SHISA9: variants seen among roughly 807,000 people sequenced by gnomAD.
The protein encoded by SHISA9 is protein shisa-9.
A neutral mutation model predicts 38.0 loss-of-function variants in SHISA9; 13 were observed. The observed-to-expected ratio is 0.34, with a 90% confidence interval of 0.22 to 0.54. The LOEUF (loss-of-function observed/expected upper bound fraction) is 0.54. Ranked by LOEUF, SHISA9 falls within the 20% of genes least tolerant of loss-of-function variation. SHISA9 has a pLI of 0.91. For synonymous variants in SHISA9, 275 were observed against 242.0 expected (o/e 1.14, Z -1.27); for missense variants, 538 against 575.8 (o/e 0.93, Z 0.67).
intron 2 of SHISA9, among the ~76,000 whole-genome samples, chr16:12,926,164 A>G (rs1286540496): frequency 6.6e-6 from 1 of 152,184 alleles, no homozygotes; most frequent in Non-Finnish European, 1.5e-5. Flanking sequence ...AGTAATTCAA[A>G]CCACAGACAT....
intron 2 of SHISA9, among the ~76,000 whole-genome samples, chr16:13,087,783 T>G (rs2073729884): frequency 1.3e-5 from 2 of 152,246 alleles, no homozygotes; most frequent in African/African-American, 4.8e-5. Context: ...GGTTGCCTGT[T>G]CACTCTGATG....
chr16:13,310,088 A>G, the SHISA9 span, among the ~76,000 whole-genome samples: 1 of 152,092 alleles, frequency 6.6e-6, no homozygotes, highest in African/African-American at 2.4e-5. Context: ...GGGTTTCACC[A>G]TGTTGGCCAG....
the SHISA9 span, among the ~76,000 whole-genome samples, chr16:13,364,403 A>G: frequency 1.3e-5 from 2 of 152,238 alleles, no homozygotes; most frequent in Non-Finnish European, 2.9e-5. Context: ...AGAACAAGCA[A>G]CAAGAGATAT....
intron 2 of SHISA9, among the ~76,000 whole-genome samples, chr16:13,044,405 C>T (rs142258742): frequency 4.6e-5 from 7 of 152,276 alleles, no homozygotes; most frequent in East Asian, 3.9e-4. Context: ...TTCTGAACCT[C>T]GGTTTCTCAT....
chr16:13,304,383 C>A, the SHISA9 span, among the ~76,000 whole-genome samples: 1 of 152,218 alleles, frequency 6.6e-6, no homozygotes, highest in Non-Finnish European at 1.5e-5. Flanking sequence ...CCTCAGCCTC[C>A]CAAGTATCTG....
At chr16:13,075,106 A>G (rs1392218329) in intron 2 of SHISA9, among the ~76,000 whole-genome samples, 1 of 152,196 alleles carries the variant, frequency 6.6e-6, no homozygotes, top group African/African-American at 2.4e-5. Context: ...AGCACACTGT[A>G]TAAAGTATTG....
chr16:13,344,365 A>G, the SHISA9 span, among the ~76,000 whole-genome samples: 1 of 152,158 alleles, frequency 6.6e-6, no homozygotes, highest in Non-Finnish European at 1.5e-5. Flanking sequence ...GGGGGTGGAA[A>G]TTACTACATA....
chr16:12,969,452 T>C (rs546400487), intron 2 of SHISA9, among the ~76,000 whole-genome samples: 2 of 151,876 alleles, frequency 1.3e-5, no homozygotes, highest in African/African-American at 2.4e-5. Context: ...TCTGTAAGTG[T>C]TGTTCTCCAG....
At chr16:13,290,257 G>A in the SHISA9 span, among the ~76,000 whole-genome samples, 1 of 152,082 alleles carries the variant, frequency 6.6e-6, no homozygotes, top group African/African-American at 2.4e-5. Context: ...ATTTATGGAA[G>A]ATAGCCAAAA....
chr16:12,937,261 T>C (rs556564671), intron 2 of SHISA9, among the ~76,000 whole-genome samples: 86 of 152,282 alleles, frequency 5.6e-4, no homozygotes, highest in Non-Finnish European at 1.1e-3. Flanking sequence ...TTTGAATAGG[T>C]CAATATGTAC....
Position 13,238,378 on chromosome 16 carries a change from G to A in SHISA9, c.*2969G>A, listed in dbSNP as rs1350580642. The A allele has an allele frequency of 2.0e-5, 3 of 152,238 alleles. No homozygotes were observed. The highest frequency in any genetic ancestry group is 2.9e-5 in the Non-Finnish European group (2 of 68,054). 9.4% of individuals were successfully genotyped at this position (152,238 alleles called of 1,614,324 possible). ...CAGAAAACCCTGGGTTGACTTATCT[G>A]TGAGGCTCTTTCCAGCTCAAAGTTT... On this transcript the variant is annotated 3_prime_UTR_variant, in exon 5 of 5. Transcript: ENST00000558583.
chr16:13,019,763 C>T (rs1388904965), intron 2 of SHISA9, among the ~76,000 whole-genome samples: 1 of 138,674 alleles, frequency 7.2e-6, no homozygotes, highest in South Asian at 2.4e-4. Flanking sequence ...TCTTTTCTTT[C>T]TTTTCTTTCT....
the SHISA9 span, among the ~76,000 whole-genome samples, chr16:13,536,969 T>G: frequency 6.6e-6 from 1 of 152,186 alleles, no homozygotes; most frequent in African/African-American, 2.4e-5. Flanking sequence ...ACTTTCAGCA[T>G]CAAGGATCTT....
chr16:13,317,998 G>GTTTTT, the SHISA9 span, among the ~76,000 whole-genome samples: 2 of 146,646 alleles, frequency 1.4e-5, no homozygotes, highest in Non-Finnish European at 1.5e-5. Flanking sequence ...CAAATGCCTT[G>GTTTTT]TTTTTTTTTT....
At chr16:13,076,280 C>T (rs1384450372) in intron 2 of SHISA9, among the ~76,000 whole-genome samples, 2 of 152,208 alleles carry the variant, frequency 1.3e-5, no homozygotes, top group South Asian at 2.1e-4. Context: ...ATCTGCCCAA[C>T]TCAGCCTCCC....
chr16:13,362,788 T>A, the SHISA9 span, among the ~76,000 whole-genome samples: 1 of 152,200 alleles, frequency 6.6e-6, no homozygotes, highest in Non-Finnish European at 1.5e-5. Context: ...CAAAGTCCCG[T>A]TCTTTTCATC....
intron 2 of SHISA9, among the ~76,000 whole-genome samples, chr16:13,174,683 T>C (rs1431921037): frequency 6.6e-6 from 1 of 152,010 alleles, no homozygotes; most frequent in Admixed American, 6.6e-5. Context: ...TCCTCTCACA[T>C]GGGGTGAGGT....
chr16:13,365,891 T>C, the SHISA9 span, among the ~76,000 whole-genome samples: 1 of 152,156 alleles, frequency 6.6e-6, no homozygotes, highest in Non-Finnish European at 1.5e-5. Context: ...GGATGACCTA[T>C]GGATTTGAAC....
chr16:13,491,707 C>T, the SHISA9 span, among the ~76,000 whole-genome samples: 1 of 150,758 alleles, frequency 6.6e-6, no homozygotes, highest in African/African-American at 2.4e-5. Flanking sequence ...CCAGGCTGGT[C>T]TCAAACTCCT....
Sources: allele counts gnomAD v4.1 joint callset (sites outside exome capture counted in the v4.1 genomes callset), GRCh38; gene constraint gnomAD v4.1.1; transcripts MANE v1.5; gene names NCBI Gene and HGNC (gene_info 2026-07-23, HGNC 2026-07-21).